ZNF609: variants seen among roughly 807,000 people sequenced by gnomAD.
ZNF609 encodes zinc finger protein 609.
A neutral mutation model predicts 109.5 loss-of-function variants in ZNF609; 11 were observed. The observed-to-expected ratio is 0.10, with a 90% CI of 0.06 to 0.17. The LOEUF (loss-of-function observed/expected upper bound fraction) is 0.17, where lower values mean the gene tolerates loss of function less well. Among genes scored for constraint, ZNF609 ranks in the 10% least tolerant of loss-of-function variants. ZNF609 has a pLI of 1.00. For synonymous variants in ZNF609, 646 were observed against 662.0 expected (o/e 0.98, Z 0.37); for missense variants, 1,559 against 1,772.4 (o/e 0.88, Z 2.16).
chr15:64,616,983 T>A (rs1027675837), intron 2 of ZNF609, among the ~76,000 whole-genome samples: 3 of 151,600 alleles, frequency 2.0e-5, no homozygotes, highest in African/African-American at 7.3e-5. Flanking sequence ...TAATTTTTTA[T>A]TTTTAGTAGA....
intron 2 of ZNF609, among the ~76,000 whole-genome samples, chr15:64,550,804 T>A (rs968602865): frequency 7.8e-6 from 1 of 128,766 alleles, no homozygotes; most frequent in Non-Finnish European, 1.5e-5. Flanking sequence ...GCCACTGCAC[T>A]CCAGCCTGGG....
chr15:64,535,739 C>A (rs1024362022), intron 2 of ZNF609, among the ~76,000 whole-genome samples: 1 of 152,152 alleles, frequency 6.6e-6, no homozygotes, highest in Admixed American at 6.6e-5. Flanking sequence ...TTACCACCAG[C>A]AAATGTGTGA....
In ZNF609 at chr15:64,674,447, G is replaced by C; in HGVS notation, c.1593G>C (p.Gly531=). The change falls in exon 5 of 10, where the codon GGG becomes GGC. Residue 531 remains glycine (G), a synonymous_variant. Coordinates refer to ENST00000326648, the MANE Select transcript of ZNF609 (RefSeq NM_015042.2). ...TDDDSKPEAD[G]DSEYGEEPIL... is the part of the protein sequence containing the mutation. ...ATGACAGCAAGCCGGAAGCGGATGGGGACAGTGAGTACGGAGAGGAACCTA... is the reference window on the plus strand; with the variant it reads ...ATGACAGCAAGCCGGAAGCGGATGGCGACAGTGAGTACGGAGAGGAACCTA... The C allele has an allele frequency of 6.2e-7, 1 of 1,614,182 alleles. No homozygotes were observed. The highest frequency in any genetic ancestry group is 8.5e-7 in the Non-Finnish European group (1 of 1,180,040).
chr15:64,571,772 C>A (rs1297677657), intron 2 of ZNF609, among the ~76,000 whole-genome samples: 2 of 152,130 alleles, frequency 1.3e-5, no homozygotes, highest in Non-Finnish European at 2.9e-5. Context: ...TGGGTTCAAG[C>A]AGTTCTCCTG....
chr15:64,527,851 C>A (rs949866466), intron 2 of ZNF609, among the ~76,000 whole-genome samples: 1 of 152,128 alleles, frequency 6.6e-6, no homozygotes, highest in Non-Finnish European at 1.5e-5. Flanking sequence ...ATACTTGTTG[C>A]CACTTCCTTT....
chr15:64,589,713 T>A (rs1258327008), intron 2 of ZNF609, among the ~76,000 whole-genome samples: 3 of 152,224 alleles, frequency 2.0e-5, no homozygotes, highest in Non-Finnish European at 2.9e-5. Context: ...CTCCTTTACT[T>A]CTTCCTAAAG....
intron 2 of ZNF609, chr15:64,529,502 G>T: frequency 8.8e-7 from 1 of 1,133,310 alleles, no homozygotes; most frequent in Non-Finnish European, 1.3e-6. Flanking sequence ...ACGGTGCCAT[G>T]GAATTTGCCA....
intron 2 of ZNF609, among the ~76,000 whole-genome samples, chr15:64,577,893 T>C (rs554788908): frequency 6.6e-6 from 1 of 151,692 alleles, no homozygotes; most frequent in East Asian, 1.9e-4. Flanking sequence ...CAGTGGCTTA[T>C]GCCTGTAACC....
rs539009424 is a variant in ZNF609 at position 64,490,367 on chromosome 15, G to A, written c.-127-8926G>A. Reference sequence around the variant, plus strand: ...CGGCTCACTGCAACCTCCACCTCGCGGGTTCAAGTGATTCTCCTGCCTCAG... The same window carrying A: ...CGGCTCACTGCAACCTCCACCTCGCAGGTTCAAGTGATTCTCCTGCCTCAG... On this transcript the variant is annotated intron_variant, in intron 1 of 9. Coordinates refer to ENST00000326648, the MANE Select transcript of ZNF609 (RefSeq NM_015042.2). 1.3e-3 allele frequency among the ~76,000 whole-genome samples: 199 copies of A among 150,264 alleles called. 2 individuals carry two copies. Among genetic ancestry groups the A allele is most frequent in the Non-Finnish European group, 2.6e-3 (174 of 67,774 alleles).
In ZNF609 at chr15:64,683,712, C is replaced by T. The variant is rs2083224965; in HGVS notation, c.*2026C>T. The T allele has an allele frequency of 6.6e-6, 1 of 152,270 alleles. No homozygotes were observed. Among genetic ancestry groups the T allele is most frequent in the South Asian group, 2.1e-4 (1 of 4,830 alleles). 9.4% of individuals were successfully genotyped at this position (152,270 alleles called of 1,614,324 possible). On this transcript the variant is annotated 3_prime_UTR_variant, in exon 10 of 10. Coordinates refer to ENST00000326648, the MANE Select transcript of ZNF609 (RefSeq NM_015042.2). ...TGAATTTCAGCCTGATTATGCCCTCCTGGGGCTCCTGTGAGGTGGAGCCAA... is the reference window on the plus strand; with the variant it reads ...TGAATTTCAGCCTGATTATGCCCTCTTGGGGCTCCTGTGAGGTGGAGCCAA...
intron 2 of ZNF609, chr15:64,529,027 G>A (rs926567793): frequency 3.4e-6 from 5 of 1,492,410 alleles, no homozygotes; most frequent in South Asian, 1.2e-5. Flanking sequence ...CTTACCCACA[G>A]GCTTGGCAGC....
intron 2 of ZNF609, among the ~76,000 whole-genome samples, chr15:64,540,540 G>A (rs1423475984): frequency 6.6e-6 from 1 of 151,816 alleles, no homozygotes; most frequent in South Asian, 2.1e-4. Context: ...AAGTAGCTGG[G>A]ACTACAGGTG....
At chr15:64,600,467 G>GAA (rs561428455) in intron 2 of ZNF609, among the ~76,000 whole-genome samples, 7 of 122,044 alleles carry the variant, frequency 5.7e-5, no homozygotes, top group Admixed American at 8.6e-5. Flanking sequence ...AAAAAAAAAA[G>GAA]AAAAAAAAAA....
chr15:64,667,062 G>A (rs980945931), intron 3 of ZNF609, among the ~76,000 whole-genome samples: 3 of 152,128 alleles, frequency 2.0e-5, no homozygotes, highest in South Asian at 2.1e-4. Flanking sequence ...CCCGGGAGAC[G>A]GAGCTTATAG....
chr15:64,535,368 C>A (rs1894124615), intron 2 of ZNF609, among the ~76,000 whole-genome samples: 1 of 152,104 alleles, frequency 6.6e-6, no homozygotes, highest in Non-Finnish European at 1.5e-5. Flanking sequence ...TTGAATCGTA[C>A]CATATGTAAC....
chr15:64,543,043 C>T (rs1464688751), intron 2 of ZNF609, among the ~76,000 whole-genome samples: 2 of 152,152 alleles, frequency 1.3e-5, no homozygotes, highest in Non-Finnish European at 2.9e-5. Flanking sequence ...CCTAATCCAT[C>T]TGAGGCTTAA....
chr15:64,625,758 G>A (rs1895943807), intron 3 of ZNF609, among the ~76,000 whole-genome samples: 1 of 147,560 alleles, frequency 6.8e-6, no homozygotes, highest in African/African-American at 2.5e-5. Context: ...GTGTAGTGGT[G>A]GGCGCCTGTA....
intron 2 of ZNF609, among the ~76,000 whole-genome samples, chr15:64,516,665 C>A (rs1489327598): frequency 6.6e-6 from 1 of 152,180 alleles, no homozygotes; most frequent in African/African-American, 2.4e-5. Flanking sequence ...GTGTGAGCCA[C>A]CATGCCCACC....
chr15:64,607,281 C>T (rs1161247952), intron 2 of ZNF609, among the ~76,000 whole-genome samples: 1 of 151,974 alleles, frequency 6.6e-6, no homozygotes, highest in Admixed American at 6.6e-5. Flanking sequence ...CTATTAAATA[C>T]AAACATTATA....
Sources: gnomAD v4.1 joint callset for allele counts (sites outside exome capture counted in the v4.1 genomes callset) on GRCh38, gnomAD v4.1.1 for gene constraint, MANE v1.5 for transcripts, NCBI Gene and HGNC (gene_info 2026-07-23, HGNC 2026-07-21) for gene names.